The following SSBP3 variants were observed in gnomAD, a reference collection of about 807,000 sequenced individuals.
SSBP3 encodes single stranded DNA binding protein 3, also known as single-stranded DNA-binding protein 3.
In SSBP3, 5 loss-of-function variants were observed where a neutral mutation model predicts 69.6. The ratio of observed to expected loss-of-function variants is 0.07; its 90% CI spans 0.04 to 0.15. The LOEUF (loss-of-function observed/expected upper bound fraction) is 0.15. Ranked by LOEUF, SSBP3 falls within the 10% of genes least tolerant of loss-of-function variation. The probability of loss-of-function intolerance (pLI) is 1.00; values close to 1 mark genes in which losing one functional copy is unlikely to be tolerated. For synonymous variants in SSBP3, 196 were observed against 193.4 expected (o/e 1.01, Z -0.11); for missense variants, 312 against 534.0 (o/e 0.58, Z 4.10).
intron 4 of SSBP3, among the ~76,000 whole-genome samples, chr1:54,383,648 C>T (rs1392545651): frequency 6.6e-6 from 1 of 152,010 alleles, no homozygotes; most frequent in Non-Finnish European, 1.5e-5. Context: ...ACAGGGTGTT[C>T]AATAATAAAA....
chr1:54,275,681 T>G (rs1315085567), intron 5 of SSBP3, among the ~76,000 whole-genome samples: 1 of 152,226 alleles, frequency 6.6e-6, no homozygotes, highest in African/African-American at 2.4e-5. Context: ...AGCTCACCAC[T>G]TCATCATTAA....
At chr1:54,283,273 A>G (rs1386475351) in intron 4 of SSBP3, among the ~76,000 whole-genome samples, 1 of 14,778 alleles carries the variant, frequency 6.8e-5, no homozygotes, top group Non-Finnish European at 1.4e-4. Flanking sequence ...CCCATCTCAT[A>G]AAAAAAAAAA....
chr1:54,327,901 T>C (rs1238476163), intron 4 of SSBP3, among the ~76,000 whole-genome samples: 2 of 152,174 alleles, frequency 1.3e-5, no homozygotes, highest in Non-Finnish European at 2.9e-5. Context: ...AATAAAGCAG[T>C]TGTCCTTTAA....
rs148868255 is a variant in SSBP3 at position 54,378,058 on chromosome 1, C to G, written c.276+23803G>C. ...AAGTCTACGGAACCTCTACAGGCCC[C>G]GGTCCCCTGCACTCTCCTGACGTGC... On this transcript the variant is annotated intron_variant, in intron 4 of 17. Coordinates refer to ENST00000610401, the Ensembl canonical transcript of SSBP3. Among the ~76,000 whole-genome samples the G allele has an allele frequency of 4.4e-3, 671 of 152,282 alleles. 2 individuals carry two copies. Among genetic ancestry groups the G allele is most frequent in the Middle Eastern group, 0.027 (8 of 294 alleles).
chr1:54,280,961 T>C (rs1645381198), intron 5 of SSBP3, among the ~76,000 whole-genome samples: 1 of 152,164 alleles, frequency 6.6e-6, no homozygotes, highest in Non-Finnish European at 1.5e-5. Context: ...TTCTGAGACC[T>C]GCCAGGATGG....
chr1:54,375,880 C>T (rs552376464), intron 4 of SSBP3, among the ~76,000 whole-genome samples: 1 of 152,156 alleles, frequency 6.6e-6, no homozygotes, highest in Non-Finnish European at 1.5e-5. Context: ...CAGCCCAGTG[C>T]CATCCGCTGC....
intron 4 of SSBP3, among the ~76,000 whole-genome samples, chr1:54,344,070 G>T (rs1646651367): frequency 6.6e-6 from 1 of 152,206 alleles, no homozygotes; most frequent in East Asian, 1.9e-4. Flanking sequence ...TGCGGGGCAT[G>T]ATGGCCAAGA....
At chr1:54,371,943 C>A (rs1647142464) in intron 4 of SSBP3, among the ~76,000 whole-genome samples, 2 of 152,090 alleles carry the variant, frequency 1.3e-5, no homozygotes, top group Non-Finnish European at 2.9e-5. Context: ...CAACTCCACC[C>A]GAGAACCTCA....
chr1:54,298,490 A>G (rs767088056), intron 4 of SSBP3, among the ~76,000 whole-genome samples: 5 of 152,216 alleles, frequency 3.3e-5, no homozygotes, highest in South Asian at 2.1e-4. Context: ...CTGATTTCCT[A>G]TCTTATCAGT....
chr1:54,359,863 G>A (rs1459789933), intron 4 of SSBP3, among the ~76,000 whole-genome samples: 2 of 151,166 alleles, frequency 1.3e-5, no homozygotes, highest in Non-Finnish European at 3.0e-5. Flanking sequence ...GGATAAATGG[G>A]GACCACCGTG....
At chr1:54,271,736 A>G (rs1645197416) in intron 5 of SSBP3, among the ~76,000 whole-genome samples, 1 of 152,172 alleles carries the variant, frequency 6.6e-6, no homozygotes, top group African/African-American at 2.4e-5. Context: ...GGTCTTGAGC[A>G]AGAAACAAGA....
chr1:54,335,526 G>T (rs944856393), intron 4 of SSBP3, among the ~76,000 whole-genome samples: 3 of 152,168 alleles, frequency 2.0e-5, no homozygotes, highest in African/African-American at 7.2e-5. Flanking sequence ...GGAGACAGAG[G>T]CTGATTTAAG....
intron 4 of SSBP3, among the ~76,000 whole-genome samples, chr1:54,296,366 C>T (rs1169107040): frequency 6.6e-6 from 1 of 152,236 alleles, no homozygotes; most frequent in Non-Finnish European, 1.5e-5. Flanking sequence ...CCCTACTTTG[C>T]TGCAAATCTG....
intron 4 of SSBP3, among the ~76,000 whole-genome samples, chr1:54,399,182 T>C (rs746207787): frequency 3.3e-5 from 5 of 152,224 alleles, no homozygotes; most frequent in African/African-American, 4.8e-5. Flanking sequence ...GTTCACGGTC[T>C]CCACCATGGA....
At chr1:54,320,615 G>T (rs138276246) in intron 4 of SSBP3, among the ~76,000 whole-genome samples, 15 of 152,274 alleles carry the variant, frequency 9.9e-5, no homozygotes, top group Non-Finnish European at 2.1e-4. Flanking sequence ...GCCACTGCTC[G>T]CCCACCAGAA....
chr1:54,374,398 G>T (rs575683686), intron 4 of SSBP3, among the ~76,000 whole-genome samples: 2 of 152,206 alleles, frequency 1.3e-5, no homozygotes, highest in Non-Finnish European at 1.5e-5. Flanking sequence ...AATCTCTTCA[G>T]TAAGCCCCAA....
chr1:54,291,771 A>G (rs2100948717), intron 4 of SSBP3, among the ~76,000 whole-genome samples: 1 of 152,358 alleles, frequency 6.6e-6, no homozygotes, highest in Non-Finnish European at 1.5e-5. Context: ...CAACAACACT[A>G]CGAAGCGCTG....
chr1:54,360,153 G>A (rs1353942598), intron 4 of SSBP3, among the ~76,000 whole-genome samples: 2 of 152,130 alleles, frequency 1.3e-5, no homozygotes, highest in Admixed American at 6.5e-5. Context: ...TTCCTCTGCT[G>A]ATTCACCTAT....
At chr1:54,391,719 G>A (rs1487496644) in intron 4 of SSBP3, among the ~76,000 whole-genome samples, 4 of 152,218 alleles carry the variant, frequency 2.6e-5, no homozygotes, top group African/African-American at 4.8e-5. Context: ...CACAAAACCT[G>A]CCCTGGAAGC....
Sources: gnomAD v4.1 joint callset for allele counts (sites outside exome capture counted in the v4.1 genomes callset) on GRCh38, gnomAD v4.1.1 for gene constraint, MANE v1.5 for transcripts, NCBI Gene and HGNC (gene_info 2026-07-23, HGNC 2026-07-21) for gene names.